Variants in NRXN3 observed in about 807,000 individuals in gnomAD.
The protein encoded by NRXN3 is neurexin 3, also known as neurexin III.
A neutral mutation model predicts 137.6 loss-of-function variants in NRXN3; 32 were observed. The observed-to-expected ratio is 0.23, with a 90% CI of 0.18 to 0.31. The LOEUF (loss-of-function observed/expected upper bound fraction) is 0.31, where lower values mean the gene tolerates loss of function less well. Ranked by LOEUF, NRXN3 falls within the 10% of genes least tolerant of loss-of-function variation. The pLI is 1.00. For synonymous variants in NRXN3, 798 were observed against 784.5 expected (o/e 1.02, Z -0.29); for missense variants, 1,574 against 2,062.5 (o/e 0.76, Z 4.59).
intron 16 of NRXN3, among the ~76,000 whole-genome samples, chr14:79,513,554 C>T (rs191207784): frequency 1.3e-5 from 2 of 152,316 alleles, no homozygotes; most frequent in Non-Finnish European, 2.9e-5. Context: ...TCCATTAATA[C>T]AAGTGGATCC....
At chr14:78,409,882 A>T (rs1032670466) in intron 4 of NRXN3, among the ~76,000 whole-genome samples, 1 of 152,222 alleles carries the variant, frequency 6.6e-6, no homozygotes, top group African/African-American at 2.4e-5. Context: ...AGAGGGTCCC[A>T]TAAGGAGAAA....
At chr14:79,132,765 G>T (rs2057721700) in intron 15 of NRXN3, among the ~76,000 whole-genome samples, 1 of 152,174 alleles carries the variant, frequency 6.6e-6, no homozygotes, top group Non-Finnish European at 1.5e-5. Flanking sequence ...ATTGAGTTTA[G>T]CATGCCACAT....
chr14:79,030,703 T>C (rs548048218), intron 15 of NRXN3, among the ~76,000 whole-genome samples: 2 of 146,554 alleles, frequency 1.4e-5, no homozygotes, highest in Admixed American at 7.0e-5. Context: ...TTTCTTTCCA[T>C]GTTTATTGCT....
chr14:79,236,993 T>C (rs996711009), intron 15 of NRXN3, among the ~76,000 whole-genome samples: 4 of 152,244 alleles, frequency 2.6e-5, no homozygotes, highest in Middle Eastern at 3.4e-3. Context: ...CCGTCATTTA[T>C]TTCTGTTAAA....
Position 79,802,934 on chromosome 14 carries a change from G to A in NRXN3, c.4015-2178G>A, listed in dbSNP as rs116148648. ...ATCAGGATAAACAGCTGATACACGC[G>A]GGGCTTAATACCTAGGTGATGGGCT... On this transcript the variant is annotated intron_variant, in intron 19 of 20. Transcript: ENST00000335750. Among the ~76,000 whole-genome samples the A allele has an allele frequency of 8.8e-3, 1,335 of 152,010 alleles. 16 individuals are homozygous for A. Among genetic ancestry groups the A allele is most frequent in the African/African-American group, 0.029 (1,186 of 41,440 alleles).
At position 78,909,610 on chromosome 14, in the gene NRXN3, G is replaced by A. The variant is rs1597268362; in HGVS notation, c.2276-47632G>A. ...ATTTGACTTCTTCTGACTTCTTATT[G>A]TTTCCTTGTCTTAAAAAAATCTTTA... is the stretch of plus-strand genomic sequence containing the variant. On this transcript the variant is annotated intron_variant, in intron 10 of 20. Transcript: ENST00000335750. Among the ~76,000 whole-genome samples, 3 of 151,810 alleles carry A rather than the reference G, an allele frequency of 2.0e-5. No individual in the cohort carries two copies. In the South Asian group the frequency reaches 6.3e-4, roughly 32 times the overall value.
chr14:78,263,873 TTG>T (rs3059009), intron 2 of NRXN3, among the ~76,000 whole-genome samples: 22,911 of 134,946 alleles, frequency 0.17, 1,756 homozygotes, highest in South Asian at 0.19. Flanking sequence ...CAGTTCTATT[TTG>T]TGTGTGTGTG....
chr14:79,137,054 T>C (rs2058306822), intron 15 of NRXN3, among the ~76,000 whole-genome samples: 1 of 152,212 alleles, frequency 6.6e-6, no homozygotes, highest in Non-Finnish European at 1.5e-5. Context: ...ATTCTAAGAA[T>C]GGGTAGAAAA....
At chr14:79,549,237 T>C (rs1477148020) in intron 16 of NRXN3, among the ~76,000 whole-genome samples, 1 of 152,032 alleles carries the variant, frequency 6.6e-6, no homozygotes, top group Admixed American at 6.6e-5. Context: ...AACCTAAAAC[T>C]AAGACTCCCT....
chr14:79,014,320 AAT>A (rs755267559), intron 15 of NRXN3, among the ~76,000 whole-genome samples: 1 of 152,236 alleles, frequency 6.6e-6, no homozygotes. Flanking sequence ...CTATGTACTC[AAT>A]GCTTAGCTCC....
chr14:78,901,998 A>G (rs983412903), intron 10 of NRXN3, among the ~76,000 whole-genome samples: 4 of 152,030 alleles, frequency 2.6e-5, no homozygotes, highest in Admixed American at 1.3e-4. Flanking sequence ...GGGGGCTGGA[A>G]ATAGGGACTG....
At chr14:78,784,837 T>C (rs1371060548) in intron 8 of NRXN3, among the ~76,000 whole-genome samples, 1 of 151,990 alleles carries the variant, frequency 6.6e-6, no homozygotes, top group African/African-American at 2.4e-5. Flanking sequence ...TCTCAGAAGA[T>C]AGACTGAGAA....
At chr14:78,889,909 G>C (rs1387353133) in intron 10 of NRXN3, among the ~76,000 whole-genome samples, 2 of 152,010 alleles carry the variant, frequency 1.3e-5, no homozygotes, top group Non-Finnish European at 2.9e-5. Context: ...CCTAAATCCA[G>C]TGAAAACTAT....
At chr14:79,789,631 A>C (rs144845294) in intron 19 of NRXN3, among the ~76,000 whole-genome samples, 1 of 152,064 alleles carries the variant, frequency 6.6e-6, no homozygotes, top group East Asian at 1.9e-4. Flanking sequence ...TCCCTTGATG[A>C]TATGCTAAAC....
At position 78,495,301 on chromosome 14, in the gene NRXN3, A is replaced by G. The variant is rs1036646289; in HGVS notation, c.758-149819A>G. 5.3e-5 allele frequency among the ~76,000 whole-genome samples: 8 copies of G among 152,202 alleles called. 1 individual carries two copies. The South Asian group carries it at 1.0e-3, about 20-fold the overall frequency. On this transcript the variant is annotated intron_variant, in intron 4 of 20. Transcript: ENST00000335750. The stretch of plus-strand genomic sequence containing the variant: ...CTTTTGATCTTAGGAAGTGAAGTAC[A>G]TAATCATGGCCAATTTTACCTATGA...
In NRXN3 at chr14:79,692,556, A is replaced by G. The variant is rs572411765; in HGVS notation, c.3706+294A>G. Among the ~76,000 whole-genome samples, 3 of 152,224 alleles carry G rather than the reference A, an allele frequency of 2.0e-5. No individual in the cohort carries two copies. The South Asian group carries it at 6.2e-4, about 31-fold the overall frequency. On this transcript the variant is annotated intron_variant, in intron 18 of 20. Coordinates refer to ENST00000335750, the MANE Select transcript of NRXN3 (RefSeq NM_001330195.2). ...AGAAATGTATTATGGCAATTTAACC[A>G]CTGCATGACATTATTTATTAATTTG...
chr14:79,271,584 C>A (rs1444484695), intron 15 of NRXN3, among the ~76,000 whole-genome samples: 1 of 150,154 alleles, frequency 6.7e-6, no homozygotes, highest in Non-Finnish European at 1.5e-5. Flanking sequence ...CCCTCCCTTC[C>A]TCTTCCCTTC....
chr14:79,161,813 T>A (rs2060802379), intron 15 of NRXN3, among the ~76,000 whole-genome samples: 1 of 151,888 alleles, frequency 6.6e-6, no homozygotes, highest in African/African-American at 2.4e-5. Context: ...TTAATGAGGA[T>A]AGACACAGGG....
chr14:79,624,576 C>T (rs1045413349), intron 16 of NRXN3, among the ~76,000 whole-genome samples: 5 of 152,020 alleles, frequency 3.3e-5, no homozygotes, highest in African/African-American at 7.3e-5. Flanking sequence ...TGATACAATA[C>T]AGTAGTAGTA....
Sources: allele counts gnomAD v4.1 joint callset (sites outside exome capture counted in the v4.1 genomes callset), GRCh38; gene constraint gnomAD v4.1.1; transcripts MANE v1.5; gene names NCBI Gene and HGNC (gene_info 2026-07-23, HGNC 2026-07-21).